The following NUMB variants were observed in gnomAD, a reference collection of about 807,000 sequenced individuals.
NUMB encodes protein numb homolog.
In NUMB, 29 loss-of-function variants were observed where a neutral mutation model predicts 59.7. The ratio of observed to expected loss-of-function variants is 0.49; its 90% CI spans 0.36 to 0.66. The LOEUF is 0.66. Among genes scored for constraint, NUMB ranks in the 30% least tolerant of loss-of-function variants. The pLI, the probability that NUMB is intolerant of heterozygous loss-of-function variation, is 0.00. For missense variants in NUMB, 723 were observed against 822.0 expected (o/e 0.88, Z 1.47); for synonymous variants, 288 against 288.2 (o/e 1.00, Z 0.01).
chr14:73,317,743 A>G (rs899502942), intron 5 of NUMB, among the ~76,000 whole-genome samples: 15 of 152,252 alleles, frequency 9.9e-5, no homozygotes, highest in Admixed American at 9.8e-4. Context: ...CTGGCCACCA[A>G]TTAAAATCTG....
chr14:73,352,519 TA>T (rs1893434085), intron 4 of NUMB, among the ~76,000 whole-genome samples: 1 of 24,948 alleles, frequency 4.0e-5, no homozygotes, highest in African/African-American at 1.5e-4. Flanking sequence ...TATATATATA[TA>T]TATATATATG....
At chr14:73,428,169 C>T (rs1897667957) in intron 1 of NUMB, among the ~76,000 whole-genome samples, 2 of 152,104 alleles carry the variant, frequency 1.3e-5, no homozygotes, top group Admixed American at 6.6e-5. Flanking sequence ...AAGAGAATAA[C>T]TTGAAATAAA....
chr14:73,361,436 T>G (rs908981814), intron 3 of NUMB, among the ~76,000 whole-genome samples: 5 of 152,172 alleles, frequency 3.3e-5, no homozygotes, highest in Non-Finnish European at 7.4e-5. Flanking sequence ...CTTCCTTTGA[T>G]TTTTTTGATG....
At chr14:73,429,355 G>C (rs1467669720) in intron 1 of NUMB, among the ~76,000 whole-genome samples, 1 of 151,932 alleles carries the variant, frequency 6.6e-6, no homozygotes, top group Middle Eastern at 3.2e-3. Context: ...CTGGGTGACA[G>C]AGCGAGACTC....
At chr14:73,330,424 T>C (rs886727348) in intron 4 of NUMB, among the ~76,000 whole-genome samples, 12 of 152,196 alleles carry the variant, frequency 7.9e-5, no homozygotes, top group African/African-American at 2.4e-4. Flanking sequence ...GATCAGAAAT[T>C]TTGTTGCTCT....
chr14:73,330,772 T>C (rs1891932625), intron 4 of NUMB, among the ~76,000 whole-genome samples: 1 of 152,092 alleles, frequency 6.6e-6, no homozygotes, highest in Non-Finnish European at 1.5e-5. Context: ...ACCAATAGGA[T>C]GGATGGATGG....
At chr14:73,403,390 G>C (rs1334389216) in intron 2 of NUMB, among the ~76,000 whole-genome samples, 3 of 152,198 alleles carry the variant, frequency 2.0e-5, no homozygotes, top group African/African-American at 7.2e-5. Context: ...AATTTTAACT[G>C]TAAGTAACTT....
chr14:73,373,705 CTTTTTTT>C (rs558452695), intron 2 of NUMB, among the ~76,000 whole-genome samples: 1 of 127,732 alleles, frequency 7.8e-6, no homozygotes, highest in Admixed American at 8.1e-5. Context: ...GGAAAGCTTC[CTTTTTTT>C]TTTTTTTTTT....
intron 1 of NUMB, among the ~76,000 whole-genome samples, chr14:73,449,493 CA>C (rs1883779139): frequency 6.6e-6 from 1 of 151,598 alleles, no homozygotes; most frequent in Admixed American, 6.6e-5. Context: ...GTTTTCTTTC[CA>C]AATATTTTCT....
At chr14:73,397,754 T>C (rs1470563614) in intron 2 of NUMB, among the ~76,000 whole-genome samples, 2 of 152,208 alleles carry the variant, frequency 1.3e-5, no homozygotes, top group Admixed American at 1.3e-4. Flanking sequence ...GGTCATTAAA[T>C]ATTCACACAC....
At chr14:73,353,593 T>C (rs531785286) in intron 4 of NUMB, among the ~76,000 whole-genome samples, 1 of 151,070 alleles carries the variant, frequency 6.6e-6, no homozygotes, top group African/African-American at 2.4e-5. Flanking sequence ...AGGCCTGTAA[T>C]CCCAGCTACT....
At chr14:73,304,063 C>T (rs1393514680) in intron 6 of NUMB, among the ~76,000 whole-genome samples, 2 of 152,076 alleles carry the variant, frequency 1.3e-5, no homozygotes, top group Non-Finnish European at 1.5e-5. Flanking sequence ...GGATCTATTA[C>T]AAATTACTAA....
At chr14:73,304,830 G>A (rs572620727) in intron 6 of NUMB, among the ~76,000 whole-genome samples, 6 of 152,086 alleles carry the variant, frequency 3.9e-5, no homozygotes, top group South Asian at 2.1e-4. Context: ...GTGCGATCTC[G>A]GCTCATTGCA....
chr14:73,312,480 G>A (rs1890828717), intron 6 of NUMB, among the ~76,000 whole-genome samples: 1 of 151,904 alleles, frequency 6.6e-6, no homozygotes, highest in East Asian at 1.9e-4. Flanking sequence ...TTGGCAGGGT[G>A]AGGTGGGCAG....
intron 1 of NUMB, among the ~76,000 whole-genome samples, chr14:73,421,664 C>A (rs1158215922): frequency 2.6e-5 from 4 of 151,920 alleles, no homozygotes. Flanking sequence ...AGGGGCAATG[C>A]CATTAGTAAT....
chr14:73,380,872 G>C (rs941319851), intron 2 of NUMB, among the ~76,000 whole-genome samples: 1 of 151,800 alleles, frequency 6.6e-6, no homozygotes. Context: ...TTACAGGTGC[G>C]TGCTACCACA....
intron 6 of NUMB, among the ~76,000 whole-genome samples, chr14:73,302,822 G>A (rs1470686726): frequency 6.6e-6 from 1 of 152,164 alleles, no homozygotes; most frequent in Non-Finnish European, 1.5e-5. Flanking sequence ...AAGACTGTCT[G>A]CCCTAAAACT....
intron 12 of NUMB, among the ~76,000 whole-genome samples, chr14:73,278,717 G>A (rs1343969842): frequency 7.5e-6 from 1 of 134,040 alleles, no homozygotes; most frequent in Non-Finnish European, 1.6e-5. Context: ...TGGGGCCCTG[G>A]AATCTTTTTT....
At chr14:73,307,214 C>T (rs1890489177) in intron 6 of NUMB, among the ~76,000 whole-genome samples, 2 of 151,652 alleles carry the variant, frequency 1.3e-5, no homozygotes, top group Non-Finnish European at 2.9e-5. Context: ...GAGGCTGAGG[C>T]CAGAGAATGG....
Sources: allele counts gnomAD v4.1 joint callset (sites outside exome capture counted in the v4.1 genomes callset), GRCh38; gene constraint gnomAD v4.1.1; transcripts MANE v1.5; gene names NCBI Gene and HGNC (gene_info 2026-07-23, HGNC 2026-07-21).